The following GLIS3 variants were observed in gnomAD, a reference collection of about 807,000 sequenced individuals.
The protein encoded by GLIS3 is zinc finger protein GLIS3.
A neutral mutation model predicts 78.6 loss-of-function variants in GLIS3; 53 were observed. The ratio of observed to expected loss-of-function variants is 0.67; its 90% CI spans 0.54 to 0.85. The LOEUF is 0.85. Ranked by LOEUF, GLIS3 falls within the 40% of genes least tolerant of loss-of-function variation. The pLI, the probability that GLIS3 is intolerant of heterozygous loss-of-function variation, is 0.00. For synonymous variants in GLIS3, 684 were observed against 509.9 expected, an observed-to-expected ratio of 1.34 and a Z score of -4.60; for missense variants, 1,703 against 1,231.1, an observed-to-expected ratio of 1.38 and a Z score of -5.74.
chr9:4,320,020 T>C (rs1233241457), intron 2 of GLIS3, among the ~76,000 whole-genome samples: 1 of 44,534 alleles, frequency 2.2e-5, no homozygotes, highest in Admixed American at 2.1e-4. Context: ...TGTGTGTGTG[T>C]GTGTGCGCGC....
chr9:4,290,614 C>G (rs1288769144), intron 1 of GLIS3, among the ~76,000 whole-genome samples: 1 of 152,092 alleles, frequency 6.6e-6, no homozygotes, highest in Non-Finnish European at 1.5e-5. Flanking sequence ...CAATCAAGGA[C>G]AGATAGAGCT....
intron 2 of GLIS3, among the ~76,000 whole-genome samples, chr9:4,322,075 G>A (rs1817537207): frequency 1.3e-5 from 2 of 151,978 alleles, no homozygotes; most frequent in Admixed American, 6.6e-5. Flanking sequence ...TCCCCGCCCT[G>A]TGTCCAAGTG....
chr9:4,273,590 C>CATAA (rs60374376), intron 2 of GLIS3, among the ~76,000 whole-genome samples: 32,690 of 143,584 alleles, frequency 0.23, 3,895 homozygotes, highest in Non-Finnish European at 0.26. Flanking sequence ...AAGACCTTAT[C>CATAA]ATAAATAAAT....
intron 4 of GLIS3, among the ~76,000 whole-genome samples, chr9:4,033,853 T>C (rs1256178691): frequency 2.3e-5 from 1 of 44,028 alleles, no homozygotes; most frequent in Non-Finnish European, 4.2e-5. Flanking sequence ...CCCAAAAACA[T>C]AGGCGAAGGA....
chr9:4,020,296 T>G (rs1023192077), intron 4 of GLIS3, among the ~76,000 whole-genome samples: 1 of 152,078 alleles, frequency 6.6e-6, no homozygotes, highest in Non-Finnish European at 1.5e-5. Context: ...CTGTTTGTTT[T>G]GTTTTTTTTG....
At chr9:4,443,270 G>A in the GLIS3 span, among the ~76,000 whole-genome samples, 2 of 152,118 alleles carry the variant, frequency 1.3e-5, no homozygotes, top group African/African-American at 4.8e-5. Flanking sequence ...GGCTTAAATT[G>A]TTTGTTCATT....
intron 1 of GLIS3, among the ~76,000 whole-genome samples, chr9:4,294,367 G>A (rs1816293226): frequency 6.6e-6 from 1 of 152,150 alleles, no homozygotes; most frequent in Admixed American, 6.5e-5. Flanking sequence ...AAATTAGCCA[G>A]GCATGGTGGC....
intron 2 of GLIS3, among the ~76,000 whole-genome samples, chr9:4,317,698 A>G (rs1269785062): frequency 1.3e-5 from 2 of 152,246 alleles, no homozygotes; most frequent in Non-Finnish European, 2.9e-5. Context: ...AGAAAAAATT[A>G]AGAGAAAGAA....
intron 2 of GLIS3, among the ~76,000 whole-genome samples, chr9:4,342,965 A>C (rs1290067502): frequency 6.6e-6 from 1 of 152,206 alleles, no homozygotes; most frequent in Non-Finnish European, 1.5e-5. Flanking sequence ...ACTTTGCTGA[A>C]GTTGTTTATC....
chr9:4,208,442 G>A (rs1465650068), intron 2 of GLIS3, among the ~76,000 whole-genome samples: 1 of 152,198 alleles, frequency 6.6e-6, no homozygotes, highest in South Asian at 2.1e-4. Context: ...CTTCCAGAGA[G>A]TGGTCTTAAG....
chr9:3,848,823 C>G (rs1368898349), intron 9 of GLIS3, among the ~76,000 whole-genome samples: 1 of 152,198 alleles, frequency 6.6e-6, no homozygotes, highest in African/African-American at 2.4e-5. Context: ...TTTCTTGTTG[C>G]AGTCAATTTG....
At chr9:4,384,207 C>T in the GLIS3 span, among the ~76,000 whole-genome samples, 1 of 152,154 alleles carries the variant, frequency 6.6e-6, no homozygotes. Context: ...TGGTGGTGAA[C>T]ACAGGGTGCT....
chr9:4,341,118 T>C (rs1270295263), intron 2 of GLIS3, among the ~76,000 whole-genome samples: 2 of 152,244 alleles, frequency 1.3e-5, no homozygotes, highest in East Asian at 1.9e-4. Context: ...TTAGAACTTA[T>C]GTGTTTCCTT....
At chr9:4,141,702 T>A (rs756870355) in intron 2 of GLIS3, among the ~76,000 whole-genome samples, 8 of 152,218 alleles carry the variant, frequency 5.3e-5, no homozygotes, top group Non-Finnish European at 1.0e-4. Flanking sequence ...TACTACAGAT[T>A]TGCTGAAAAT....
At chr9:4,282,298 T>C (rs1351317993) in intron 2 of GLIS3, among the ~76,000 whole-genome samples, 2 of 152,212 alleles carry the variant, frequency 1.3e-5, no homozygotes, top group Non-Finnish European at 2.9e-5. Flanking sequence ...GGTGCCCCAA[T>C]ATTAGGTCCA....
chr9:4,033,862 GATAA>G (rs1824070714), intron 4 of GLIS3, among the ~76,000 whole-genome samples: 1 of 9,254 alleles, frequency 1.1e-4, no homozygotes, highest in African/African-American at 2.5e-4. Context: ...ATAGGCGAAG[GATAA>G]AAAAAAAAAA....
At chr9:4,384,893 A>T in the GLIS3 span, among the ~76,000 whole-genome samples, 1 of 152,172 alleles carries the variant, frequency 6.6e-6, no homozygotes, top group Non-Finnish European at 1.5e-5. Context: ...ACCTGGAGCC[A>T]GACACTGTTG....
At chr9:3,891,757 G>A (rs868625525) in intron 7 of GLIS3, among the ~76,000 whole-genome samples, 1 of 151,338 alleles carries the variant, frequency 6.6e-6, no homozygotes, top group African/African-American at 2.5e-5. Context: ...CTATGACTCC[G>A]AACTGCCTTA....
intron 2 of GLIS3, among the ~76,000 whole-genome samples, chr9:4,269,199 C>G (rs902569680): frequency 1.3e-5 from 2 of 152,170 alleles, no homozygotes; most frequent in African/African-American, 4.8e-5. Context: ...CTCTCAATGT[C>G]TAATTTCAAT....
Sources: gnomAD v4.1 joint callset for allele counts (sites outside exome capture counted in the v4.1 genomes callset) on GRCh38, gnomAD v4.1.1 for gene constraint, MANE v1.5 for transcripts, NCBI Gene and HGNC (gene_info 2026-07-23, HGNC 2026-07-21) for gene names.